ATP8B4: variants seen among roughly 807,000 people sequenced by gnomAD.
ATP8B4 encodes the protein probable phospholipid-transporting ATPase IM.
ATP8B4 carries 133 observed loss-of-function variants against 145.6 expected under a neutral mutation model. The ratio of observed to expected loss-of-function variants is 0.91; its 90% CI spans 0.79 to 1.05. The LOEUF is 1.05. Among genes scored for constraint, ATP8B4 ranks in the 50% least tolerant of loss-of-function variants. ATP8B4 has a pLI of 0.00. For synonymous variants in ATP8B4, 507 were observed against 492.9 expected, an observed-to-expected ratio of 1.03 and a Z score of -0.38; for missense variants, 1,458 against 1,425.2, an observed-to-expected ratio of 1.02 and a Z score of -0.37.
intron 2 of ATP8B4, among the ~76,000 whole-genome samples, chr15:50,088,979 T>C (rs1487831221): frequency 6.6e-6 from 1 of 152,126 alleles, no homozygotes; most frequent in African/African-American, 2.4e-5. Context: ...TCTGTTTTTG[T>C]ACCAGTACCA....
intron 6 of ATP8B4, among the ~76,000 whole-genome samples, chr15:50,031,103 A>C (rs2050400580): frequency 6.6e-6 from 1 of 152,242 alleles, no homozygotes; most frequent in Non-Finnish European, 1.5e-5. Context: ...CTGTAAGTTG[A>C]ATATTCATTT....
At chr15:49,983,347 T>A (rs1471466758) in intron 10 of ATP8B4, among the ~76,000 whole-genome samples, 4 of 152,186 alleles carry the variant, frequency 2.6e-5, no homozygotes, top group Non-Finnish European at 5.9e-5. Context: ...ATCATCACCA[T>A]CCATCCAGTT....
intron 25 of ATP8B4, among the ~76,000 whole-genome samples, chr15:49,872,268 A>T (rs2033779665): frequency 6.6e-6 from 1 of 152,136 alleles, no homozygotes; most frequent in African/African-American, 2.4e-5. Context: ...ATCTTGGGCA[A>T]ATCCCTTATA....
chr15:50,157,702 T>C (rs1416279038), intron 1 of ATP8B4, among the ~76,000 whole-genome samples: 1 of 151,844 alleles, frequency 6.6e-6, no homozygotes, highest in Non-Finnish European at 1.5e-5. Flanking sequence ...TTGCTTTGGG[T>C]AGTATGGACC....
At chr15:50,099,084 T>C (rs558393862) in intron 2 of ATP8B4, among the ~76,000 whole-genome samples, 1 of 152,038 alleles carries the variant, frequency 6.6e-6, no homozygotes, top group Non-Finnish European at 1.5e-5. Flanking sequence ...ATAAACATAC[T>C]AAGGCAGTAA....
In ATP8B4 at chr15:50,156,135, TATAA is replaced by T. The variant is rs1567410671; in HGVS notation, c.-43+26122_-43+26125del. Reference sequence around the variant, plus strand: ...ATATATATAAATATATTTATATATATATAAATATATATATATATATTTGTTTGCT... The same window carrying T: ...ATATATATAAATATATTTATATATATATATATATATATATATTTGTTTGCT... On this transcript the variant is annotated intron_variant, in intron 1 of 3. Transcript: ENST00000558829. 9.3e-3 allele frequency among the ~76,000 whole-genome samples: 144 copies of T among 15,448 alleles called. 7 individuals carry two copies. Among genetic ancestry groups the T allele is most frequent in the Non-Finnish European group, 0.015 (100 of 6,752 alleles). 10.1% of individuals were successfully genotyped at this position (15,448 alleles called of 152,430 possible).
intron 2 of ATP8B4, among the ~76,000 whole-genome samples, chr15:50,087,218 T>G (rs1167916467): frequency 1.5e-5 from 2 of 131,384 alleles, no homozygotes; most frequent in Non-Finnish European, 3.1e-5. Flanking sequence ...AAATAATATA[T>G]AGATCTATAT....
intron 25 of ATP8B4, among the ~76,000 whole-genome samples, chr15:49,869,453 TA>T (rs976434070): frequency 6.6e-6 from 1 of 151,026 alleles, no homozygotes; most frequent in Non-Finnish European, 1.5e-5. Context: ...AAATGTAAAC[TA>T]AAAAAAAGCA....
chr15:49,866,238 A>G, intron 26 of ATP8B4, 108 bp downstream of exon 26: 1 of 1,429,862 alleles, frequency 7.0e-7, no homozygotes, highest in Non-Finnish European at 9.4e-7. Context: ...CAATTTCTGG[A>G]CAAAGGATCA....
chr15:49,925,791 A>T (rs561320339), intron 16 of ATP8B4, among the ~76,000 whole-genome samples: 1 of 152,290 alleles, frequency 6.6e-6, no homozygotes, highest in Non-Finnish European at 1.5e-5. Flanking sequence ...CTCATTAAAC[A>T]TTTGCTTTAG....
intron 6 of ATP8B4, among the ~76,000 whole-genome samples, chr15:50,017,740 A>G (rs1343985941): frequency 1.3e-5 from 2 of 152,322 alleles, no homozygotes; most frequent in East Asian, 1.9e-4. Flanking sequence ...GTGTTGCTCA[A>G]TGGTGTGATG....
rs1042670055 is a variant in ATP8B4 at position 50,029,250 on chromosome 15, A to C, written c.362+9518T>G. 1.3e-4 allele frequency among the ~76,000 whole-genome samples: 19 copies of C among 150,748 alleles called. 1 individual carries two copies. The South Asian group carries it at 1.7e-3, about 13-fold the overall frequency. ...CAAGACTCCATCTTAAAAAAAAAAA[A>C]AAAAAAACAGAAAAATACAGCAGAA... On this transcript the variant is annotated intron_variant, in intron 6 of 27. Transcript: ENST00000284509.
intron 12 of ATP8B4, among the ~76,000 whole-genome samples, chr15:49,975,686 A>AT (rs1282791270): frequency 6.6e-6 from 1 of 152,100 alleles, no homozygotes; most frequent in Non-Finnish European, 1.5e-5. Context: ...AAAGCTTTTA[A>AT]TTTTTTTAAT....
chr15:49,862,247 G>A lies in ATP8B4; in HGVS notation c.3295C>T (p.Gln1099Ter), dbSNP rs1266800493. ...KVDLYPTLSDQIRRWQKAQKK... is the reference protein window; with the variant it reads ...KVDLYPTLSD Reference sequence around the variant, plus strand: ...TATTCATCAGCACTGTGACATACCTGATCACTCAGGGTTGGGTATAAATCC... The same window carrying A: ...TATTCATCAGCACTGTGACATACCTAATCACTCAGGGTTGGGTATAAATCC... Residue 1099 changes from glutamine to a stop codon, truncating the protein, a stop_gained and splice_region_variant, in exon 27 of 28, where the codon CAG (glutamine) becomes TAG (stop). Transcript: ENST00000284509. LOFTEE classifies it high-confidence loss of function. 1 of 1,613,084 alleles carries A rather than the reference G, an allele frequency of 6.2e-7. No homozygotes were observed. The highest frequency in any genetic ancestry group is 8.5e-7 in the Non-Finnish European group (1 of 1,179,366).
intron 1 of ATP8B4, among the ~76,000 whole-genome samples, chr15:50,157,714 T>G (rs1383395793): frequency 1.4e-5 from 2 of 147,372 alleles, no homozygotes; most frequent in Non-Finnish European, 3.0e-5. Context: ...GTATGGACCC[T>G]TTAACATATT....
At chr15:49,867,068 T>C (rs1487075804) in intron 25 of ATP8B4, among the ~76,000 whole-genome samples, 2 of 152,206 alleles carry the variant, frequency 1.3e-5, no homozygotes, top group Non-Finnish European at 2.9e-5. Flanking sequence ...GGAAGCATGG[T>C]CACGAGCTCT....
chr15:50,085,503 C>G (rs1377931864), intron 2 of ATP8B4, among the ~76,000 whole-genome samples: 1 of 151,964 alleles, frequency 6.6e-6, no homozygotes, highest in African/African-American at 2.4e-5. Flanking sequence ...CAGATCCACG[C>G]AGTGCCGTAA....
At chr15:49,917,133 T>A in intron 19 of ATP8B4, 94 bp from the exon 20 acceptor site, 1 of 1,202,646 alleles carries the variant, frequency 8.3e-7, no homozygotes, top group Non-Finnish European at 1.2e-6. Flanking sequence ...TGTATTTTCT[T>A]AAAGCCTACA....
chr15:49,920,401 C>T lies in ATP8B4; in HGVS notation c.1768G>A (p.Gly590Arg). The stretch of plus-strand genomic sequence containing the variant: ...ATGGCCAAGGTCCGAAGGCCTTCCC[C>T]TGCAAATTCCTGCCAGAGATGACAT... ...LTSDHLSEFA[G>R]EGLRTLAIAY... Residue 590 changes from glycine to arginine, a missense_variant, in exon 18 of 28, where the codon GGG becomes AGG. Gly to Arg is a moderately radical substitution (Grantham distance 125). Transcript: ENST00000284509. The T allele has an allele frequency of 1.2e-6, 2 of 1,612,418 alleles. No individual in the cohort carries two copies. Among genetic ancestry groups the T allele is most frequent in the East Asian group, 2.2e-5 (1 of 44,862 alleles).
Sources: gnomAD v4.1 joint callset for allele counts (sites outside exome capture counted in the v4.1 genomes callset) on GRCh38, gnomAD v4.1.1 for gene constraint, MANE v1.5 for transcripts, NCBI Gene and HGNC (gene_info 2026-07-23, HGNC 2026-07-21) for gene names.